MACF1: variants seen among roughly 807,000 people sequenced by gnomAD.
MACF1 encodes the protein microtubule actin crosslinking factor 1.
Under a neutral mutation model 854.8 loss-of-function variants are expected in MACF1, and 193 were observed. That is an observed-to-expected ratio of 0.23 (90% confidence interval 0.20 to 0.25). MACF1 has a LOEUF of 0.25. Among genes scored for constraint, MACF1 ranks in the 10% least tolerant of loss-of-function variants. The pLI is 1.00. For synonymous variants in MACF1, 3,185 were observed against 3,226.7 expected (o/e 0.99, Z 0.44); for missense variants, 7,722 against 8,929.1 (o/e 0.86, Z 5.45).
At chr1:39,221,248 A>G (rs1014822672) in intron 1 of MACF1, among the ~76,000 whole-genome samples, 1 of 152,220 alleles carries the variant, frequency 6.6e-6, no homozygotes, top group South Asian at 2.1e-4. Flanking sequence ...ATTGAATTTT[A>G]TAGGGTTGTA....
chr1:39,264,767 G>A (rs919203501), intron 6 of MACF1, among the ~76,000 whole-genome samples: 5 of 150,422 alleles, frequency 3.3e-5, no homozygotes, highest in Non-Finnish European at 7.4e-5. Context: ...TCCGCTTCCC[G>A]GGTTCACGCC....
intron 2 of MACF1, among the ~76,000 whole-genome samples, chr1:39,106,114 C>G (rs1166860448): frequency 6.6e-6 from 1 of 152,040 alleles, no homozygotes; most frequent in African/African-American, 2.4e-5. Flanking sequence ...GCTCGGACCT[C>G]TGTGTGCCCG....
rs376254871 is a variant in MACF1 at position 39,459,176 on chromosome 1, G to A, written c.21287G>A (p.Arg7096His). ...CCACGGATCAACCAGCTTTCTGCCC[G>A]CTGGCAGCAGGTGTGGCTGTTAGCA... Reference protein sequence around the residue: ...KNPRINQLSARWQQVWLLALE... With the variant: ...KNPRINQLSAHWQQVWLLALE... The change falls in exon 91 of 101, where the codon CGC (arginine) becomes CAC (histidine). Residue 7096 changes from arginine to histidine, a missense_variant. Arg to His is a conservative substitution (Grantham distance 29). Coordinates refer to ENST00000564288, the MANE Select transcript of MACF1 (RefSeq NM_001394062.1). 3.0e-5 allele frequency: 48 copies of A among 1,613,932 alleles called. No homozygotes were observed. The highest frequency in any genetic ancestry group is 3.6e-5 in the Non-Finnish European group (42 of 1,179,986).
chr1:39,308,061 C>T (rs1023165273), intron 23 of MACF1, among the ~76,000 whole-genome samples: 1 of 151,648 alleles, frequency 6.6e-6, no homozygotes, highest in Non-Finnish European at 1.5e-5. Flanking sequence ...TCTGCCACCA[C>T]GCCTAGCTAA....
intron 40 of MACF1, among the ~76,000 whole-genome samples, chr1:39,341,845 T>G (rs1425678112): frequency 6.6e-6 from 1 of 151,476 alleles, no homozygotes; most frequent in Non-Finnish European, 1.5e-5. Context: ...CCGTCCTTTG[T>G]TTCTTTTTTG....
intron 2 of MACF1, among the ~76,000 whole-genome samples, chr1:39,098,692 C>G (rs906695141): frequency 6.6e-6 from 1 of 152,212 alleles, no homozygotes; most frequent in African/African-American, 2.4e-5. Context: ...TGGCCAGTTG[C>G]TATGGTAACC....
At chr1:39,363,586 C>CTCTTTCTTTCTT (rs145803766) in intron 49 of MACF1, among the ~76,000 whole-genome samples, 32 of 143,316 alleles carry the variant, frequency 2.2e-4, no homozygotes, top group East Asian at 1.0e-3. Flanking sequence ...ATCAACAAGA[C>CTCTTTCTTTCTT]TCTTTCTTTC....
At chr1:39,422,337 C>T (rs1557645915) in intron 58 of MACF1, 37 bp from the exon 59 acceptor site, 2 of 1,588,558 alleles carry the variant, frequency 1.3e-6, no homozygotes, top group Non-Finnish European at 8.6e-7. Context: ...GTCTAATAGC[C>T]TTTGTATTAA....
intron 2 of MACF1, chr1:39,249,722 A>T (rs897987425): frequency 1.2e-5 from 3 of 240,798 alleles, no homozygotes; most frequent in Non-Finnish European, 2.4e-5. Flanking sequence ...ATGTCTCAGG[A>T]TAATTAAGAC....
intron 2 of MACF1, among the ~76,000 whole-genome samples, chr1:39,241,969 G>C (rs1223232415): frequency 6.6e-6 from 1 of 152,226 alleles, no homozygotes; most frequent in Non-Finnish European, 1.5e-5. Context: ...AGGATTCCAA[G>C]CACGTAAGTG....
At chr1:39,191,557 T>C (rs957535273) in intron 2 of MACF1, among the ~76,000 whole-genome samples, 1 of 152,324 alleles carries the variant, frequency 6.6e-6, no homozygotes, top group South Asian at 2.1e-4. Flanking sequence ...CACCTAAGGA[T>C]GGATGGACAG....
Position 39,283,134 on chromosome 1 carries a change from C to T in MACF1, c.696-55C>T. ...TTTCAGGAGGTTTTCTTTGTGTAAACTCATGTGTGATGTGTAGATGGTGGC... is the reference window on the plus strand; with the variant it reads ...TTTCAGGAGGTTTTCTTTGTGTAAATTCATGTGTGATGTGTAGATGGTGGC... On this transcript the variant is annotated intron_variant, in intron 7 of 100. Coordinates refer to ENST00000564288, the MANE Select transcript of MACF1 (RefSeq NM_001394062.1). This position sits in a 1 kb window ranked among gnomAD's most constrained non-coding sequence, Gnocchi z 4.5. 2 of 1,103,610 alleles carry T rather than the reference C, an allele frequency of 1.8e-6. No individual in the cohort carries two copies. The highest frequency in any genetic ancestry group is 2.6e-5 in the South Asian group (2 of 76,944). The allele number at this position is 1,103,610 out of a possible 1,614,324, so 68.4% of individuals were successfully genotyped here.
chr1:39,471,389 C>A (rs112722268), intron 97 of MACF1, among the ~76,000 whole-genome samples: 4,471 of 152,178 alleles, frequency 0.029, 86 homozygotes, highest in Non-Finnish European at 0.04. Flanking sequence ...TGCATATTTC[C>A]TTGGGTCTCT....
intron 97 of MACF1, among the ~76,000 whole-genome samples, chr1:39,478,130 G>T (rs1644946235): frequency 6.6e-6 from 1 of 151,662 alleles, no homozygotes; most frequent in Non-Finnish European, 1.5e-5. Context: ...AGCCTCCTGA[G>T]TAGCTGGGAC....
intron 2 of MACF1, among the ~76,000 whole-genome samples, chr1:39,100,302 G>C (rs1174446787): frequency 6.6e-6 from 1 of 152,198 alleles, no homozygotes; most frequent in Non-Finnish European, 1.5e-5. Context: ...AGTAGGTGGA[G>C]TTGGGGGATG....
intron 78 of MACF1, 43 bp downstream of exon 78, chr1:39,442,954 A>C (rs1194698188): frequency 6.4e-7 from 1 of 1,570,100 alleles, no homozygotes; most frequent in South Asian, 1.1e-5. Context: ...CTATACAGAT[A>C]ACAGAAAGCC....
At chr1:39,375,467 A>G (rs1275093523) in intron 52 of MACF1, among the ~76,000 whole-genome samples, 2 of 152,018 alleles carry the variant, frequency 1.3e-5, no homozygotes, top group African/African-American at 4.8e-5. Context: ...ACGCCTGGCT[A>G]ATTTTTTGTA....
Position 39,335,638 on chromosome 1 carries a change from C to T in MACF1, c.9050C>T (p.Pro3017Leu). Residue 3017 changes from proline to leucine, a missense_variant, in exon 37 of 101, where the codon CCT becomes CTT. Pro to Leu is a moderately conservative substitution (Grantham distance 98). Transcript: ENST00000564288. ...CATGACTCCCATATAAAGAGCCAAC[C>T]TAGGGAAATGACCTCAAGTGAAAAA... ...DEHDSHIKSQPREMTSSEKGK... is the reference protein window; with the variant it reads ...DEHDSHIKSQLREMTSSEKGK... The T allele has an allele frequency of 6.2e-7, 1 of 1,614,102 alleles. No homozygotes were observed. Among genetic ancestry groups the T allele is most frequent in the Non-Finnish European group, 8.5e-7 (1 of 1,180,002 alleles).
chr1:39,118,074 C>G (rs1048658494), intron 2 of MACF1, among the ~76,000 whole-genome samples: 4 of 152,264 alleles, frequency 2.6e-5, no homozygotes, highest in Non-Finnish European at 4.4e-5. Context: ...AGGACCTTTG[C>G]TCTCTAGTGG....
Sources: allele counts gnomAD v4.1 joint callset (sites outside exome capture counted in the v4.1 genomes callset), GRCh38; gene constraint gnomAD v4.1.1; non-coding constraint Gnocchi (gnomAD v3.1); transcripts MANE v1.5; gene names NCBI Gene and HGNC (gene_info 2026-07-23, HGNC 2026-07-21).